The following ZNF286A variants were observed in gnomAD, a reference collection of about 807,000 sequenced individuals.
The protein encoded by ZNF286A is zinc finger protein 286A, also known as zinc finger protein ZNF286.
A neutral mutation model predicts 49.3 loss-of-function variants in ZNF286A; 34 were observed. That is an observed-to-expected ratio of 0.69 (90% confidence interval 0.52 to 0.92). ZNF286A has a LOEUF of 0.92. Ranked by LOEUF, ZNF286A falls within the 40% of genes least tolerant of loss-of-function variation. The pLI, the probability that ZNF286A is intolerant of heterozygous loss-of-function variation, is 0.00. For synonymous variants in ZNF286A, 155 were observed against 200.4 expected (o/e 0.77, Z 1.91); for missense variants, 462 against 600.2 (o/e 0.77, Z 2.41).
At chr17:15,699,914 C>A in intron 1 of ZNF286A, 137 bp downstream of exon 1, 2 of 679,350 alleles carry the variant, frequency 2.9e-6, no homozygotes, top group Admixed American at 4.1e-5. Flanking sequence ...CCTGTCCCTT[C>A]TCACTCTGGC....
chr17:15,701,712 A>G (rs984332197), intron 3 of ZNF286A, among the ~76,000 whole-genome samples: 2 of 152,230 alleles, frequency 1.3e-5, no homozygotes, highest in Non-Finnish European at 2.9e-5. Context: ...GGCGTAATTT[A>G]AAGAGTTACA....
chr17:15,718,852 G>T lies in ZNF286A; in HGVS notation c.*1562G>T, dbSNP rs1377140393. 1 of 142,816 alleles carries T rather than the reference G, an allele frequency of 7.0e-6. No individual in the cohort carries two copies. 8.8% of individuals were successfully genotyped at this position (142,816 alleles called of 1,614,324 possible). ...GCTGTACAGGAAGTATGACTGGGGAGGTCTCAGGGAGCTTTTACTCATGGC... is the reference window on the plus strand; with the variant it reads ...GCTGTACAGGAAGTATGACTGGGGATGTCTCAGGGAGCTTTTACTCATGGC... On this transcript the variant is annotated 3_prime_UTR_variant, in exon 6 of 6. Coordinates refer to ENST00000583566, the MANE Select transcript of ZNF286A (RefSeq NM_001130842.2).
Position 15,717,038 on chromosome 17 carries a change from T to C in ZNF286A, c.1314T>C (p.Tyr438=), listed in dbSNP as rs1243443041. 1.2e-6 allele frequency: 2 copies of C among 1,614,002 alleles called. No homozygotes were observed. The highest frequency in any genetic ancestry group is 1.7e-6 in the Non-Finnish European group (2 of 1,180,040). The change falls in exon 6 of 6, where the codon TAT becomes TAC. Residue 438 remains tyrosine (Y), a synonymous_variant. Transcript: ENST00000583566. ...GAATTCACACTGGAGAGAAACCCTA[T>C]GAGTGTAATGAATGTGGGAAAACCT... ...HQRIHTGEKP[Y]ECNECGKTFS...
intron 5 of ZNF286A, among the ~76,000 whole-genome samples, chr17:15,712,715 C>T (rs1356386601): frequency 3.3e-5 from 5 of 151,890 alleles, no homozygotes; most frequent in Non-Finnish European, 5.9e-5. Flanking sequence ...TTTGTGATTC[C>T]GCCTTTGCCC....
chr17:15,702,969 C>T (rs1327284496), intron 3 of ZNF286A, among the ~76,000 whole-genome samples: 2 of 152,162 alleles, frequency 1.3e-5, no homozygotes, highest in Admixed American at 6.5e-5. Context: ...AGGCTTACAT[C>T]TTCCTGTGTT....
rs201925431 is a variant in ZNF286A, at chr17:15,707,413, C to CT, written c.242-737dup. 5.0e-3 allele frequency among the ~76,000 whole-genome samples: 725 copies of CT among 143,578 alleles called. 14 individuals are homozygous for CT. The highest frequency in any genetic ancestry group is 0.018 in the African/African-American group (689 of 38,008). 94.2% of individuals were successfully genotyped at this position (143,578 alleles called of 152,430 possible). On this transcript the variant is annotated intron_variant, in intron 4 of 5. Coordinates refer to ENST00000583566, the MANE Select transcript of ZNF286A (RefSeq NM_001130842.2). The stretch of plus-strand genomic sequence containing the variant: ...CGAGATTGCGCCACTGCACTCCAGC[C>CT]TTTTTGTAAGACTCTGTCTAAAAAA...
At chr17:15,704,943 G>A in intron 3 of ZNF286A, 2 of 1,516,798 alleles carry the variant, frequency 1.3e-6, no homozygotes, top group East Asian at 2.4e-5. Flanking sequence ...CCCCCTTCCT[G>A]CGTTCTTCGG....
intron 4 of ZNF286A, among the ~76,000 whole-genome samples, chr17:15,707,135 A>T (rs1021455078): frequency 6.6e-6 from 1 of 152,154 alleles, no homozygotes; most frequent in East Asian, 1.9e-4. Flanking sequence ...ATGTAAAAAA[A>T]TCCCCTAAGA....
At position 15,716,267 on chromosome 17, in the gene ZNF286A, T is replaced by G; in HGVS notation, c.543T>G (p.Asn181Lys). The G allele has an allele frequency of 6.2e-7, 1 of 1,613,876 alleles. No homozygotes were observed. The highest frequency in any genetic ancestry group is 8.5e-7 in the Non-Finnish European group (1 of 1,179,824). ...TGAGAGAAATGTTCACTCACATGAATTCACTCTCTGAGGAAACAGACCATA... is the reference window on the plus strand; with the variant it reads ...TGAGAGAAATGTTCACTCACATGAAGTCACTCTCTGAGGAAACAGACCATA... Reference protein sequence around the residue: ...RHLREMFTHMNSLSEETDHKH... With the variant: ...RHLREMFTHMKSLSEETDHKH... Residue 181 changes from asparagine to lysine, a missense_variant, in exon 6 of 6, where the codon AAT (asparagine) becomes AAG (lysine). Physicochemically the swap from Asn to Lys is moderately conservative, Grantham distance 94. Transcript: ENST00000583566.
chr17:15,704,590 G>C, intron 3 of ZNF286A: 1 of 1,614,072 alleles, frequency 6.2e-7, no homozygotes, highest in South Asian at 1.1e-5. Flanking sequence ...CAGCTCAGCC[G>C]TCCAGTCCCT....
At chr17:15,710,873 T>C (rs981976151) in intron 5 of ZNF286A, among the ~76,000 whole-genome samples, 3 of 152,030 alleles carry the variant, frequency 2.0e-5, no homozygotes, top group African/African-American at 7.2e-5. Flanking sequence ...TTTTTTCTAG[T>C]TTTTGACTTT....
intron 5 of ZNF286A, chr17:15,710,070 C>G (rs12453558): frequency 0.41 from 229,835 of 565,994 alleles, 49,079 homozygotes; most frequent in East Asian, 0.57. Flanking sequence ...ATTCAAGTTT[C>G]TTGTGAGTTA....
intron 3 of ZNF286A, among the ~76,000 whole-genome samples, chr17:15,705,555 A>G (rs2081771362): frequency 6.6e-6 from 1 of 151,986 alleles, no homozygotes; most frequent in Admixed American, 6.6e-5. Context: ...TTTCTCAGTT[A>G]TTATAAATTA....
At chr17:15,708,992 A>G (rs1434257413) in intron 5 of ZNF286A, among the ~76,000 whole-genome samples, 10 of 152,262 alleles carry the variant, frequency 6.6e-5, no homozygotes, top group African/African-American at 2.2e-4. Flanking sequence ...GGATAGATAC[A>G]TACTCACTTT....
rs1467218222 is a variant in ZNF286A, at chr17:15,708,212, A to C, written c.299A>C (p.Lys100Thr). The C allele has an allele frequency of 2.5e-6, 4 of 1,593,620 alleles. No homozygotes were observed. Among genetic ancestry groups the C allele is most frequent in the Non-Finnish European group, 3.4e-6 (4 of 1,170,198 alleles). The change falls in exon 5 of 6, where the codon AAG (lysine) becomes ACG (threonine). Residue 100 changes from lysine (K) to threonine (T), a missense_variant. Coordinates refer to ENST00000583566, the MANE Select transcript of ZNF286A (RefSeq NM_001130842.2). ...TTGGAGAATGGAAAAGAACCATTGA[A>C]GCTTGAGAGAAAAGCCCCCAAAAGC... ...YNLENGKEPL[K>T]LERKAPKSSY...
At chr17:15,715,570 C>T (rs1461086873) in intron 5 of ZNF286A, among the ~76,000 whole-genome samples, 1 of 151,914 alleles carries the variant, frequency 6.6e-6, no homozygotes, top group Non-Finnish European at 1.5e-5. Context: ...GGTTTTTGAT[C>T]AGCAAAATGT....
intron 5 of ZNF286A, among the ~76,000 whole-genome samples, chr17:15,709,237 C>G (rs971637096): frequency 6.7e-5 from 10 of 149,042 alleles, no homozygotes; most frequent in Middle Eastern, 3.4e-3. Flanking sequence ...CGCCTGTAAT[C>G]CCAGCACTTC....
chr17:15,711,849 A>G (rs1309511685), intron 5 of ZNF286A, among the ~76,000 whole-genome samples: 14 of 130,088 alleles, frequency 1.1e-4, no homozygotes, highest in Admixed American at 9.3e-4. Flanking sequence ...ATTTGCATTT[A>G]TCTGTAATCT....
At chr17:15,702,120 CAAAAA>C (rs916890935) in intron 3 of ZNF286A, among the ~76,000 whole-genome samples, 1 of 96,710 alleles carries the variant, frequency 1.0e-5, no homozygotes. Context: ...AACTCTGTCT[CAAAAA>C]AAAAAAAAAA....
Sources: allele counts gnomAD v4.1 joint callset (sites outside exome capture counted in the v4.1 genomes callset), GRCh38; gene constraint gnomAD v4.1.1; transcripts MANE v1.5; gene names NCBI Gene and HGNC (gene_info 2026-07-23, HGNC 2026-07-21).